Variants in KIF3B observed in about 807,000 individuals in gnomAD.
The protein encoded by KIF3B is kinesin family member 3B, also known as kinesin-like protein KIF3B.
A neutral mutation model predicts 74.3 loss-of-function variants in KIF3B; 38 were observed. That is an observed-to-expected ratio of 0.51 (90% confidence interval 0.39 to 0.67). The LOEUF is 0.67. KIF3B is among the 30% of genes least tolerant of loss of function. The pLI is 0.00. For synonymous variants in KIF3B, 326 were observed against 342.5 expected, an observed-to-expected ratio of 0.95 and a Z score of 0.53; for missense variants, 649 against 932.0, an observed-to-expected ratio of 0.70 and a Z score of 3.95.
chr20:32,284,858 C>A (rs865875404), intron 1 of KIF3B, among the ~76,000 whole-genome samples: 42 of 152,144 alleles, frequency 2.8e-4, no homozygotes, highest in Admixed American at 4.6e-4. Flanking sequence ...GCACTTTACA[C>A]ATGTTGTTTC....
intron 2 of KIF3B, among the ~76,000 whole-genome samples, chr20:32,315,004 C>G (rs1399682334): frequency 2.0e-5 from 3 of 152,110 alleles, no homozygotes; most frequent in Non-Finnish European, 1.5e-5. Context: ...CCAGGCCGTC[C>G]CAAAGCCTTT....
chr20:32,295,877 T>A (rs1199359364), intron 1 of KIF3B, among the ~76,000 whole-genome samples: 15 of 91,318 alleles, frequency 1.6e-4, no homozygotes, highest in African/African-American at 4.7e-4. Context: ...TTTTTTTTTT[T>A]AAATTGAGAC....
chr20:32,286,068 TATTTTTAAAGTTTTTGGCAAGAC>T (rs1193090581), intron 1 of KIF3B, among the ~76,000 whole-genome samples: 1 of 152,264 alleles, frequency 6.6e-6, no homozygotes, highest in Admixed American at 6.5e-5. Context: ...GTGTGGCTTT[TATTTTTAAAGTTTTTGGCAAGAC>T]ATTTGCAGCA....
intron 1 of KIF3B, among the ~76,000 whole-genome samples, chr20:32,279,158 A>T (rs986241746): frequency 6.6e-6 from 1 of 151,922 alleles, no homozygotes; most frequent in African/African-American, 2.4e-5. Flanking sequence ...CCTGGCCTCA[A>T]GTGATATACC....
chr20:32,295,854 C>CTTTTTTTT (rs66566110), intron 1 of KIF3B, among the ~76,000 whole-genome samples: 1 of 110,870 alleles, frequency 9.0e-6, no homozygotes, highest in Non-Finnish European at 1.8e-5. Context: ...TTTTTATTAT[C>CTTTTTTTT]TTTTTTTTTT....
chr20:32,328,791 A>G (rs1490531285), intron 7 of KIF3B, among the ~76,000 whole-genome samples: 1 of 152,114 alleles, frequency 6.6e-6, no homozygotes, highest in African/African-American at 2.4e-5. Context: ...ATCTCACAAA[A>G]TGTGTGTCAG....
In KIF3B at chr20:32,327,548, A is replaced by T. The variant is rs373071903; in HGVS notation, c.1863-8A>T. 6.2e-7 allele frequency: 1 copy of T among 1,611,712 alleles called. No individual in the cohort carries two copies. The highest frequency in any genetic ancestry group is 8.5e-7 in the Non-Finnish European group (1 of 1,178,328). On this transcript the variant is annotated splice_region_variant and splice_polypyrimidine_tract_variant and intron_variant, in intron 6 of 8. Transcript: ENST00000375712. ...AGCCAGGGCTTTAACACTGCAGTTC[A>T]TTTCCAGGAACCAGCAGATGATGAA...
Position 32,310,384 on chromosome 20 carries a change from G to A in KIF3B, c.607G>A (p.Val203Ile). 9 of 1,614,210 alleles carry A rather than the reference G, an allele frequency of 5.6e-6. No individual in the cohort carries two copies. The highest frequency in any genetic ancestry group is 7.6e-6 in the Non-Finnish European group (9 of 1,180,042). Residue 203 changes from valine (V) to isoleucine (I), a missense_variant, in exon 2 of 9, where the codon GTC (valine) becomes ATC (isoleucine). Coordinates refer to ENST00000375712, the MANE Select transcript of KIF3B (RefSeq NM_004798.4). This position sits in a 1 kb window ranked among gnomAD's most constrained non-coding sequence, Gnocchi z 6.5. ...GAATGTGGGGAACCAGAACCGTTCT[G>A]TCGGTGCTACCAACATGAACGAGCA... ...VMNVGNQNRSVGATNMNEHSS... is the reference protein window; with the variant it reads ...VMNVGNQNRSIGATNMNEHSS...
At position 32,322,680 on chromosome 20, in the gene KIF3B, T is replaced by TTTA. The variant is rs2047868770; in HGVS notation, c.1749-4090_1749-4089insTAT. The stretch of plus-strand genomic sequence containing the variant: ...TATATTTATATATATATTTATATAT[T>TTTA]TATATATATTTATATATATTTATAT... On this transcript the variant is annotated intron_variant, in intron 5 of 8. Coordinates refer to ENST00000375712, the MANE Select transcript of KIF3B (RefSeq NM_004798.4). Among the ~76,000 whole-genome samples the TTTA allele has an allele frequency of 1.3e-3, 41 of 30,570 alleles. 6 individuals are homozygous for TTTA. Among genetic ancestry groups the TTTA allele is most frequent in the African/African-American group, 9.0e-3 (28 of 3,104 alleles). 20.1% of individuals were successfully genotyped at this position (30,570 alleles called of 152,430 possible).
rs1216965974 is a variant in KIF3B, at chr20:32,299,401, A to AT, written c.-65-10311dup. ...TGTGTATATATATATATATATATAT[A>AT]TATTTTTTTTTTTTTTTTTTTTTTT... On this transcript the variant is annotated intron_variant, in intron 1 of 8. Transcript: ENST00000375712. Among the ~76,000 whole-genome samples, 81 of 28,866 alleles carry AT rather than the reference A, an allele frequency of 2.8e-3. 1 individual carries two copies. The highest frequency in any genetic ancestry group is 0.016 in the African/African-American group (58 of 3,568). 18.9% of individuals were successfully genotyped at this position (28,866 alleles called of 152,430 possible). A position where few individuals can be genotyped will look rare whatever the true frequency, so the allele number is the denominator to read the frequency against.
chr20:32,317,470 T>C (rs1273699770), intron 5 of KIF3B, among the ~76,000 whole-genome samples: 2 of 152,222 alleles, frequency 1.3e-5, no homozygotes, highest in Non-Finnish European at 2.9e-5. Context: ...CTTGACTTTT[T>C]ATTGTGACAA....
chr20:32,290,445 C>T (rs2047686001), intron 1 of KIF3B, among the ~76,000 whole-genome samples: 1 of 152,052 alleles, frequency 6.6e-6, no homozygotes, highest in Admixed American at 6.6e-5. Context: ...GTCTGAATCT[C>T]TTTTTGGCTA....
chr20:32,294,307 G>A (rs2047706648), intron 1 of KIF3B, among the ~76,000 whole-genome samples: 1 of 152,120 alleles, frequency 6.6e-6, no homozygotes, highest in Non-Finnish European at 1.5e-5. Context: ...ATTCAGGGCA[G>A]GCATTTATTG....
At chr20:32,287,784 C>G (rs554876564) in intron 1 of KIF3B, among the ~76,000 whole-genome samples, 7 of 149,132 alleles carry the variant, frequency 4.7e-5, no homozygotes, top group Non-Finnish European at 8.9e-5. Context: ...GAGAACAATT[C>G]TAAATAAGTG....
intron 2 of KIF3B, among the ~76,000 whole-genome samples, chr20:32,311,964 G>A (rs969548559): frequency 2.0e-5 from 3 of 151,602 alleles, no homozygotes; most frequent in African/African-American, 7.3e-5. Context: ...CACCACGCCC[G>A]GCTAAGTTTT....
At chr20:32,320,609 G>C (rs1195518017) in intron 5 of KIF3B, among the ~76,000 whole-genome samples, 1 of 151,038 alleles carries the variant, frequency 6.6e-6, no homozygotes, top group East Asian at 1.9e-4. Flanking sequence ...TTGACCTCTT[G>C]GGTTCAAGTA....
intron 5 of KIF3B, among the ~76,000 whole-genome samples, chr20:32,317,197 A>C (rs1410802415): frequency 6.6e-6 from 1 of 152,178 alleles, no homozygotes. Flanking sequence ...ATATCGTGCC[A>C]CTGCACTCCA....
chr20:32,316,579 C>T lies in KIF3B; in HGVS notation c.1559C>T (p.Thr520Ile). ...CAGATGGAAAGTCGAGATGAGGAGA[C>T]CTTGGAACTTAAAGAGACATACAGC... is the stretch of plus-strand genomic sequence containing the variant. ...QQQMESRDEE[T>I]LELKETYSSL... Residue 520 changes from threonine (T) to isoleucine (I), a missense_variant, in exon 4 of 9, where the codon ACC (threonine) becomes ATC (isoleucine). Physicochemically the swap from Thr to Ile is moderately conservative, Grantham distance 89. Coordinates refer to ENST00000375712, the MANE Select transcript of KIF3B (RefSeq NM_004798.4). 6.2e-7 allele frequency: 1 copy of T among 1,613,980 alleles called. No homozygotes were observed. The highest frequency in any genetic ancestry group is 8.5e-7 in the Non-Finnish European group (1 of 1,179,998).
At chr20:32,279,044 C>T (rs1218693767) in intron 1 of KIF3B, among the ~76,000 whole-genome samples, 2 of 151,342 alleles carry the variant, frequency 1.3e-5, no homozygotes, top group Non-Finnish European at 2.9e-5. Flanking sequence ...CTGCCTCAGC[C>T]TCCCGAGTAG....
Sources: allele counts gnomAD v4.1 joint callset (sites outside exome capture counted in the v4.1 genomes callset), GRCh38; gene constraint gnomAD v4.1.1; non-coding constraint Gnocchi (gnomAD v3.1); transcripts MANE v1.5; gene names NCBI Gene and HGNC (gene_info 2026-07-23, HGNC 2026-07-21).